The following TRIO variants were observed in gnomAD, a reference collection of about 807,000 sequenced individuals.
The protein encoded by TRIO is triple functional domain protein.
TRIO carries 58 observed loss-of-function variants against 351.9 expected under a neutral mutation model. That is an observed-to-expected ratio of 0.16 (90% CI 0.13 to 0.21). TRIO has a LOEUF of 0.21. Among genes scored for constraint, TRIO ranks in the 10% least tolerant of loss-of-function variants. The pLI is 1.00. For missense variants in TRIO, 3,201 were observed against 4,027.8 expected (o/e 0.79, Z 5.56); for synonymous variants, 1,758 against 1,595.7 (o/e 1.10, Z -2.42).
chr5:14,488,133 T>TC lies in TRIO; in HGVS notation c.7508dup (p.Asp2505GlyfsTer20). ...GCCAGCCGACCCGGCTCCTTCACCT[T>TC]CCCGGGGGACAGCGACTCCCTCCAG... On this transcript the variant is annotated frameshift_variant, in exon 48 of 57. Transcript: ENST00000344204. LOFTEE classifies it high-confidence loss of function. The TC allele has an allele frequency of 6.2e-7, 1 of 1,608,342 alleles. No individual in the cohort carries two copies.
intron 31 of TRIO, among the ~76,000 whole-genome samples, chr5:14,403,708 GAGGGTGTAGGTT>G (rs1748414917): frequency 7.1e-6 from 1 of 141,532 alleles, no homozygotes. Flanking sequence ...AGGTTGTGGT[GAGGGTGTAGGTT>G]GTGGTGAGGG....
intron 20 of TRIO, among the ~76,000 whole-genome samples, chr5:14,380,010 T>C (rs899504630): frequency 1.3e-5 from 2 of 152,192 alleles, no homozygotes; most frequent in Admixed American, 6.5e-5. Flanking sequence ...CTCTAGTCAT[T>C]GCCTTTCTTG....
At chr5:14,200,281 G>A (rs558836425) in intron 1 of TRIO, among the ~76,000 whole-genome samples, 21 of 152,210 alleles carry the variant, frequency 1.4e-4, no homozygotes, top group African/African-American at 5.1e-4. Context: ...GCCTGAGGTC[G>A]TGCTTAAGTG....
intron 1 of TRIO, among the ~76,000 whole-genome samples, chr5:14,217,874 T>C (rs988808256): frequency 1.3e-5 from 2 of 152,240 alleles, no homozygotes; most frequent in African/African-American, 4.8e-5. Context: ...AAAGTGTCTC[T>C]GTCTTTTACA....
In TRIO at chr5:14,460,908, A is replaced by G; in HGVS notation, c.5204-111A>G. 3 of 1,299,206 alleles carry G rather than the reference A, an allele frequency of 2.3e-6. No individual in the cohort carries two copies. The South Asian group carries it at 5.0e-5, about 22-fold the overall frequency. The allele number at this position is 1,299,206 out of a possible 1,614,324, so 80.5% of individuals were successfully genotyped here. The stretch of plus-strand genomic sequence containing the variant: ...CACACCCCGTAGGCAAAGCCCGCTG[A>G]CGAGGCATCCAGGCCCACTGGCTTC... On this transcript the variant is annotated intron_variant, in intron 34 of 56. Transcript: ENST00000344204.
At chr5:14,419,514 A>G (rs1403664937) in intron 33 of TRIO, among the ~76,000 whole-genome samples, 4 of 152,130 alleles carry the variant, frequency 2.6e-5, no homozygotes, top group Non-Finnish European at 4.4e-5. Context: ...AGTTTTTTTT[A>G]GTCTGCTGTA....
At chr5:14,269,388 C>G (rs554735525) in intron 1 of TRIO, among the ~76,000 whole-genome samples, 1 of 152,210 alleles carries the variant, frequency 6.6e-6, no homozygotes, top group African/African-American at 2.4e-5. Flanking sequence ...GATTTTGTTG[C>G]TGCTTGTTTG....
chr5:14,451,581 C>A (rs968592718), intron 34 of TRIO, among the ~76,000 whole-genome samples: 9 of 152,226 alleles, frequency 5.9e-5, no homozygotes, highest in African/African-American at 2.2e-4. Context: ...GCATCAAATT[C>A]TTGACAAGAC....
chr5:14,261,884 A>T lies in TRIO; in HGVS notation c.158-8941A>T, dbSNP rs573897881. Among the ~76,000 whole-genome samples, 19 of 152,344 alleles carry T rather than the reference A, an allele frequency of 1.2e-4. No individual in the cohort carries two copies. In the South Asian group the frequency reaches 3.9e-3, roughly 32 times the overall value. Reference sequence around the variant, plus strand: ...TATAGATTGATTATATGTAAATGTGATTTTATGTACTAATCAGTCACCAAA... The same window carrying T: ...TATAGATTGATTATATGTAAATGTGTTTTTATGTACTAATCAGTCACCAAA... On this transcript the variant is annotated intron_variant, in intron 1 of 56. Transcript: ENST00000344204.
At chr5:14,187,833 T>C (rs912130700) in intron 1 of TRIO, among the ~76,000 whole-genome samples, 1 of 152,144 alleles carries the variant, frequency 6.6e-6, no homozygotes, top group African/African-American at 2.4e-5. Flanking sequence ...ATGAGACTTA[T>C]GGGAGGGGAG....
chr5:14,324,206 A>T (rs1357036120), intron 9 of TRIO, among the ~76,000 whole-genome samples: 2 of 152,124 alleles, frequency 1.3e-5, no homozygotes, highest in African/African-American at 4.8e-5. Flanking sequence ...TGCAACTGGA[A>T]AAAAAATCTG....
At chr5:14,390,067 C>T (rs577745981) in intron 25 of TRIO, among the ~76,000 whole-genome samples, 164 bp from the exon 26 acceptor site, 30 of 152,254 alleles carry the variant, frequency 2.0e-4, no homozygotes, top group Non-Finnish European at 3.5e-4. Context: ...CATTTGAAGG[C>T]GAAACTGGCT....
intron 13 of TRIO, among the ~76,000 whole-genome samples, chr5:14,359,841 C>T (rs376569414): frequency 2.0e-4 from 30 of 152,346 alleles, no homozygotes; most frequent in African/African-American, 5.8e-4. Flanking sequence ...AGCTTTCTCT[C>T]GGCCTTGGGG....
intron 33 of TRIO, among the ~76,000 whole-genome samples, chr5:14,412,332 C>G (rs1486544635): frequency 6.6e-6 from 1 of 152,170 alleles, no homozygotes; most frequent in African/African-American, 2.4e-5. Flanking sequence ...TCAGCTCTTT[C>G]TGTCAAGTGA....
intron 1 of TRIO, among the ~76,000 whole-genome samples, chr5:14,254,969 C>T (rs902764028): frequency 6.6e-6 from 1 of 152,058 alleles, no homozygotes. Flanking sequence ...ATGGGGTATC[C>T]TGTTCTTTTA....
rs779111409 is a variant in TRIO at position 14,366,849 on chromosome 5, T to G, written c.2755-11T>G. ...GTCCACTGCTTGGAGTTATCCTGTG[T>G]AATGTTTCAGGTGCTGGGTTGGATC... On this transcript the variant is annotated splice_polypyrimidine_tract_variant and intron_variant, in intron 15 of 56. Transcript: ENST00000344204. 3 of 1,614,134 alleles carry G rather than the reference T, an allele frequency of 1.9e-6. No individual in the cohort carries two copies. The Admixed American group carries it at 5.0e-5, about 27-fold the overall frequency.
At chr5:14,422,332 C>T (rs902175509) in intron 34 of TRIO, among the ~76,000 whole-genome samples, 2 of 152,210 alleles carry the variant, frequency 1.3e-5, no homozygotes, top group Non-Finnish European at 2.9e-5. Flanking sequence ...TCTTACTGCT[C>T]TGACCTTCTA....
intron 9 of TRIO, among the ~76,000 whole-genome samples, chr5:14,319,891 G>A (rs1739718282): frequency 6.6e-6 from 1 of 152,126 alleles, no homozygotes; most frequent in Non-Finnish European, 1.5e-5. Context: ...AATAAGCGGG[G>A]GCCAATTCAT....
chr5:14,234,340 C>T (rs1242676822), intron 1 of TRIO, among the ~76,000 whole-genome samples: 3 of 152,108 alleles, frequency 2.0e-5, no homozygotes. Flanking sequence ...TGTGGCAAGA[C>T]CAGTGAGTTG....
Sources: gnomAD v4.1 joint callset for allele counts (sites outside exome capture counted in the v4.1 genomes callset) on GRCh38, gnomAD v4.1.1 for gene constraint, MANE v1.5 for transcripts, NCBI Gene and HGNC (gene_info 2026-07-23, HGNC 2026-07-21) for gene names.